KCNH7: variants seen among roughly 807,000 people sequenced by gnomAD.
KCNH7 encodes potassium voltage-gated channel subfamily H member 7, also known as voltage-gated inwardly rectifying potassium channel KCNH7.
KCNH7 carries 49 observed loss-of-function variants against 120.8 expected under a neutral mutation model. The observed-to-expected ratio is 0.41, with a 90% confidence interval of 0.32 to 0.51. The LOEUF (loss-of-function observed/expected upper bound fraction) is 0.51, where lower values mean the gene tolerates loss of function less well. Ranked by LOEUF, KCNH7 falls within the 20% of genes least tolerant of loss-of-function variation. The probability of loss-of-function intolerance (pLI) is 0.38; values close to 1 mark genes in which losing one functional copy is unlikely to be tolerated. For missense variants in KCNH7, 1,097 were observed against 1,446.6 expected (o/e 0.76, Z 3.92); for synonymous variants, 547 against 516.1 (o/e 1.06, Z -0.81).
At chr2:162,610,896 C>G (rs1268510454) in intron 2 of KCNH7, among the ~76,000 whole-genome samples, 1 of 152,066 alleles carries the variant, frequency 6.6e-6, no homozygotes, top group African/African-American at 2.4e-5. Context: ...ATGTGAAAGC[C>G]AGGTTCAGAG....
chr2:162,422,079 G>C (rs1464833664), intron 9 of KCNH7, among the ~76,000 whole-genome samples: 2 of 152,086 alleles, frequency 1.3e-5, no homozygotes, highest in Non-Finnish European at 2.9e-5. Flanking sequence ...TTTTTCACAA[G>C]GAACTTTGGA....
intron 2 of KCNH7, among the ~76,000 whole-genome samples, chr2:162,611,993 C>T (rs866232969): frequency 2.0e-5 from 3 of 152,124 alleles, no homozygotes; most frequent in East Asian, 1.9e-4. Context: ...GATCACACAG[C>T]GTATGACCAA....
intron 2 of KCNH7, among the ~76,000 whole-genome samples, chr2:162,739,489 A>G (rs1432424059): frequency 6.6e-6 from 1 of 151,956 alleles, no homozygotes; most frequent in East Asian, 1.9e-4. Flanking sequence ...ACCTCTACTA[A>G]CTGCTTCCAT....
intron 2 of KCNH7, among the ~76,000 whole-genome samples, chr2:162,601,810 A>G (rs1177330880): frequency 6.6e-6 from 1 of 152,088 alleles, no homozygotes; most frequent in Non-Finnish European, 1.5e-5. Flanking sequence ...CATGACATGT[A>G]CCTTATTAAC....
intron 6 of KCNH7, among the ~76,000 whole-genome samples, chr2:162,479,833 T>C (rs1689869787): frequency 6.6e-6 from 1 of 152,154 alleles, no homozygotes; most frequent in South Asian, 2.1e-4. Context: ...TGCCTTTTTT[T>C]AGTTCATTAA....
chr2:162,417,339 G>A (rs1687571286), intron 9 of KCNH7, among the ~76,000 whole-genome samples: 1 of 152,118 alleles, frequency 6.6e-6, no homozygotes, highest in African/African-American at 2.4e-5. Context: ...GGCTTCACCT[G>A]TGTTGATTAT....
chr2:162,773,439 G>A (rs305692), intron 2 of KCNH7, among the ~76,000 whole-genome samples: 15,465 of 152,210 alleles, frequency 0.1, 943 homozygotes, highest in South Asian at 0.14. Flanking sequence ...AGTGAGCCGA[G>A]ATCACGCCGC....
At chr2:162,501,731 CA>C (rs1185573917) in intron 6 of KCNH7, among the ~76,000 whole-genome samples, 1 of 151,124 alleles carries the variant, frequency 6.6e-6, no homozygotes, top group Non-Finnish European at 1.5e-5. Flanking sequence ...GCCTCTTTTA[CA>C]AGGACACTAA....
intron 2 of KCNH7, among the ~76,000 whole-genome samples, chr2:162,582,967 C>A (rs1693927185): frequency 6.6e-6 from 1 of 152,060 alleles, no homozygotes; most frequent in African/African-American, 2.4e-5. Context: ...CGCTGAGTAG[C>A]ATTTTAAACG....
At chr2:162,436,671 T>C (rs1431842276) in intron 7 of KCNH7, among the ~76,000 whole-genome samples, 1 of 152,178 alleles carries the variant, frequency 6.6e-6, no homozygotes, top group Admixed American at 6.6e-5. Context: ...TGTTCATTGT[T>C]GCTGCTTATT....
chr2:162,794,968 T>C (rs116112441), intron 2 of KCNH7, among the ~76,000 whole-genome samples: 1,776 of 152,192 alleles, frequency 0.012, 39 homozygotes, highest in African/African-American at 0.04. Context: ...AATGAAATTA[T>C]ACTACATTTT....
chr2:162,389,612 C>T (rs80081484), intron 12 of KCNH7, among the ~76,000 whole-genome samples: 3,315 of 152,048 alleles, frequency 0.022, 131 homozygotes, highest in African/African-American at 0.077. Context: ...GACATCAATG[C>T]TTTAGTTAAA....
At position 162,469,346 on chromosome 2, in the gene KCNH7, A is replaced by T. The variant is rs113810734; in HGVS notation, c.1129-22903T>A. ...AACTATGCTTTTGACCCTGTACCAG[A>T]AGTACCGCCAGAGATGTCCTTGAAC... On this transcript the variant is annotated intron_variant, in intron 6 of 15. Coordinates refer to ENST00000332142, the MANE Select transcript of KCNH7 (RefSeq NM_033272.4). 2.8e-3 allele frequency among the ~76,000 whole-genome samples: 420 copies of T among 152,304 alleles called. 2 individuals are homozygous for T. Among genetic ancestry groups the T allele is most frequent in the African/African-American group, 9.7e-3 (403 of 41,558 alleles).
At chr2:162,563,772 C>A (rs1693153642) in intron 2 of KCNH7, among the ~76,000 whole-genome samples, 1 of 152,078 alleles carries the variant, frequency 6.6e-6, no homozygotes, top group Non-Finnish European at 1.5e-5. Flanking sequence ...GCATTGTCTC[C>A]TTTTAGGTAT....
At chr2:162,638,853 G>A (rs1684051150) in intron 2 of KCNH7, among the ~76,000 whole-genome samples, 1 of 152,070 alleles carries the variant, frequency 6.6e-6, no homozygotes, top group African/African-American at 2.4e-5. Context: ...CATTAAACGG[G>A]AAATGGAAAT....
At chr2:162,555,449 T>C (rs1254445567) in intron 2 of KCNH7, among the ~76,000 whole-genome samples, 1 of 152,238 alleles carries the variant, frequency 6.6e-6, no homozygotes, top group African/African-American at 2.4e-5. Flanking sequence ...TCAATTTTCA[T>C]GTGCCAGTAT....
chr2:162,417,797 A>T (rs1251968072), intron 9 of KCNH7, among the ~76,000 whole-genome samples: 1 of 152,150 alleles, frequency 6.6e-6, no homozygotes, highest in East Asian at 1.9e-4. Context: ...CTTGTGCAAG[A>T]TGAACATGTA....
At chr2:162,681,915 A>G (rs1300497412) in intron 2 of KCNH7, among the ~76,000 whole-genome samples, 1 of 151,692 alleles carries the variant, frequency 6.6e-6, no homozygotes, top group Non-Finnish European at 1.5e-5. Flanking sequence ...AGAGATAAAG[A>G]AATTTCTGAA....
At chr2:162,398,422 TA>T (rs1686976622) in intron 10 of KCNH7, among the ~76,000 whole-genome samples, 1 of 151,864 alleles carries the variant, frequency 6.6e-6, no homozygotes, top group Non-Finnish European at 1.5e-5. Flanking sequence ...TTTAAATAAA[TA>T]TGTATCAGCC....
Sources: gnomAD v4.1 joint callset for allele counts (sites outside exome capture counted in the v4.1 genomes callset) on GRCh38, gnomAD v4.1.1 for gene constraint, MANE v1.5 for transcripts, NCBI Gene and HGNC (gene_info 2026-07-23, HGNC 2026-07-21) for gene names.